The following TNFRSF21 variants were observed in gnomAD, a reference collection of about 807,000 sequenced individuals.
TNFRSF21 encodes the protein TNF receptor superfamily member 21.
In TNFRSF21, 19 loss-of-function variants were observed where a neutral mutation model predicts 45.6. The ratio of observed to expected loss-of-function variants is 0.42; its 90% CI spans 0.29 to 0.61. The LOEUF is 0.61. Among genes scored for constraint, TNFRSF21 ranks in the 20% least tolerant of loss-of-function variants. TNFRSF21 has a pLI of 0.23. For missense variants in TNFRSF21, 737 were observed against 851.5 expected (o/e 0.87, Z 1.67); for synonymous variants, 314 against 335.5 (o/e 0.94, Z 0.70).
At position 47,309,617 on chromosome 6, in the gene TNFRSF21, C is replaced by CCCAT; in HGVS notation, c.-110_-107dup. On this transcript the variant is annotated 5_prime_UTR_variant, in exon 1 of 6. In the 5' UTR this introduces an upstream ATG that the reference lacks. Coordinates refer to ENST00000296861, the MANE Select transcript of TNFRSF21 (RefSeq NM_014452.5). Reference sequence around the variant, plus strand: ...CCACCGCCGCCTCCCGGGCCGGGAGCCCATCTACCTCCAACACCCCATGTG... The same window carrying CCCAT: ...CCACCGCCGCCTCCCGGGCCGGGAGCCCATCCATCTACCTCCAACACCCCATGTG... 7.4e-7 allele frequency: 1 copy of CCCAT among 1,357,162 alleles called. No homozygotes were observed. The highest frequency in any genetic ancestry group is 9.4e-7 in the Non-Finnish European group (1 of 1,060,334). The allele number at this position is 1,357,162 out of a possible 1,614,324, so 84.1% of individuals were successfully genotyped here.
At chr6:47,280,520 T>A (rs1762551964) in intron 3 of TNFRSF21, among the ~76,000 whole-genome samples, 1 of 152,214 alleles carries the variant, frequency 6.6e-6, no homozygotes, top group South Asian at 2.1e-4. Flanking sequence ...TGCAAAAATC[T>A]GAGGAACAAG....
intron 3 of TNFRSF21, among the ~76,000 whole-genome samples, chr6:47,277,235 G>A (rs189117722): frequency 6.6e-6 from 1 of 152,240 alleles, no homozygotes; most frequent in East Asian, 1.9e-4. Flanking sequence ...TCAAATGATC[G>A]GCCTGCCTCG....
At chr6:47,259,432 T>C (rs1209722024) in intron 3 of TNFRSF21, among the ~76,000 whole-genome samples, 1 of 151,730 alleles carries the variant, frequency 6.6e-6, no homozygotes, top group South Asian at 2.1e-4. Context: ...TGGAGTGCAG[T>C]GGTGCAATCT....
At chr6:47,295,727 A>G (rs1293166879) in intron 1 of TNFRSF21, among the ~76,000 whole-genome samples, 1 of 152,154 alleles carries the variant, frequency 6.6e-6, no homozygotes, top group Non-Finnish European at 1.5e-5. Context: ...TCAAGGACAG[A>G]GCTTCCACAA....
At chr6:47,304,532 T>A (rs1388249079) in intron 1 of TNFRSF21, among the ~76,000 whole-genome samples, 1 of 152,180 alleles carries the variant, frequency 6.6e-6, no homozygotes, top group Non-Finnish European at 1.5e-5. Flanking sequence ...CCCACCTATT[T>A]GTTCTGACCC....
chr6:47,287,054 C>T (rs1762660129), intron 1 of TNFRSF21, among the ~76,000 whole-genome samples: 1 of 151,980 alleles, frequency 6.6e-6, no homozygotes, highest in Admixed American at 6.6e-5. Context: ...AATTTTTGCA[C>T]ACCTGCATTT....
At chr6:47,259,924 C>G (rs2113852937) in intron 3 of TNFRSF21, among the ~76,000 whole-genome samples, 1 of 152,294 alleles carries the variant, frequency 6.6e-6, no homozygotes, top group Non-Finnish European at 1.5e-5. Context: ...TTGCATGACC[C>G]TGAGCAAGTG....
chr6:47,288,558 C>T (rs149942883), intron 1 of TNFRSF21, among the ~76,000 whole-genome samples: 5 of 147,990 alleles, frequency 3.4e-5, no homozygotes, highest in African/African-American at 5.1e-5. Context: ...AAAAATAAAG[C>T]GGTAGAAACA....
At chr6:47,270,002 G>A (rs1762392616) in intron 3 of TNFRSF21, among the ~76,000 whole-genome samples, 1 of 152,196 alleles carries the variant, frequency 6.6e-6, no homozygotes, top group Non-Finnish European at 1.5e-5. Flanking sequence ...ATCACTTTTA[G>A]ATTATCTTGT....
chr6:47,286,240 G>C lies in TNFRSF21; in HGVS notation c.452C>G (p.Pro151Arg). 6.2e-7 allele frequency: 1 copy of C among 1,614,218 alleles called. No individual in the cohort carries two copies. Among genetic ancestry groups the C allele is most frequent in the Middle Eastern group, 1.6e-4 (1 of 6,062 alleles). The change falls in exon 2 of 6, where the codon CCT becomes CGT. Residue 151 changes from proline (P) to arginine (R), a missense_variant. Physicochemically the swap from Pro to Arg is moderately radical, Grantham distance 103 (BLOSUM62 -2). Transcript: ENST00000296861. ...NATCAPHTVC[P>R]VGWGVRKKGT... ...TTTCTTCCGCACACCCCAACCCACA[G>C]GACACACCGTATGGGGGGCACAGGT...
intron 3 of TNFRSF21, among the ~76,000 whole-genome samples, chr6:47,278,035 C>T (rs1054870857): frequency 2.0e-5 from 3 of 152,152 alleles, no homozygotes; most frequent in Non-Finnish European, 4.4e-5. Context: ...TTGGCATCAC[C>T]CTGCTCTCCA....
intron 1 of TNFRSF21, among the ~76,000 whole-genome samples, chr6:47,298,779 A>G (rs1361958653): frequency 1.3e-5 from 2 of 152,200 alleles, no homozygotes; most frequent in African/African-American, 2.4e-5. Flanking sequence ...TTTCACAGAC[A>G]AAGTTTACCA....
intron 4 of TNFRSF21, among the ~76,000 whole-genome samples, chr6:47,248,481 G>A (rs1191870201): frequency 3.3e-5 from 5 of 152,072 alleles, no homozygotes; most frequent in African/African-American, 1.2e-4. Context: ...TAAAATAAAA[G>A]GGGGGAGTGA....
intron 1 of TNFRSF21, among the ~76,000 whole-genome samples, chr6:47,294,293 G>A (rs1472390230): frequency 2.0e-5 from 3 of 152,108 alleles, no homozygotes; most frequent in Non-Finnish European, 4.4e-5. Flanking sequence ...ACAGGGGCAC[G>A]CCACCATGCC....
rs574123648 is a variant in TNFRSF21 at position 47,251,324 on chromosome 6, G to T, written c.1509+1932C>A. Among the ~76,000 whole-genome samples, 19 of 152,238 alleles carry T rather than the reference G, an allele frequency of 1.2e-4. 1 individual carries two copies. In the South Asian group the frequency reaches 3.5e-3, roughly 28 times the overall value. On this transcript the variant is annotated intron_variant, in intron 4 of 5. Transcript: ENST00000296861. ...CTATAGCAGAACCAACGAGAAAGTT[G>T]TAGAGTGCTTTGACATTACTGTTCT... is the stretch of plus-strand genomic sequence containing the variant.
At chr6:47,287,038 A>G (rs1762660030) in intron 1 of TNFRSF21, among the ~76,000 whole-genome samples, 1 of 152,088 alleles carries the variant, frequency 6.6e-6, no homozygotes, top group South Asian at 2.1e-4. Flanking sequence ...CTTACATCAC[A>G]TCTGTAATTT....
At chr6:47,273,141 G>A (rs1762451387) in intron 3 of TNFRSF21, among the ~76,000 whole-genome samples, 1 of 152,112 alleles carries the variant, frequency 6.6e-6, no homozygotes, top group African/African-American at 2.4e-5. Context: ...AGAAAAAAAG[G>A]GAATCCTCCC....
intron 3 of TNFRSF21, among the ~76,000 whole-genome samples, chr6:47,268,450 A>G (rs1330449270): frequency 6.6e-6 from 1 of 152,214 alleles, no homozygotes; most frequent in Non-Finnish European, 1.5e-5. Context: ...GAATGTCAAA[A>G]GCAGCTAGAA....
chr6:47,254,293 C>G (rs1764948927), intron 3 of TNFRSF21, among the ~76,000 whole-genome samples: 1 of 152,262 alleles, frequency 6.6e-6, no homozygotes, highest in African/African-American at 2.4e-5. Context: ...CAGGACAGAG[C>G]AGGATGGTAC....
Sources: gnomAD v4.1 joint callset for allele counts (sites outside exome capture counted in the v4.1 genomes callset) on GRCh38, gnomAD v4.1.1 for gene constraint, MANE v1.5 for transcripts, NCBI Gene and HGNC (gene_info 2026-07-23, HGNC 2026-07-21) for gene names.